TECRL: variants seen among roughly 807,000 people sequenced by gnomAD.
The protein encoded by TECRL is trans-2,3-enoyl-CoA reductase like, also known as trans-2,3-enoyl-CoA reductase-like.
Under a neutral mutation model 52.8 loss-of-function variants are expected in TECRL, and 63 were observed. The ratio of observed to expected loss-of-function variants is 1.19; its 90% CI spans 0.97 to 1.47. The LOEUF (loss-of-function observed/expected upper bound fraction) is 1.47. TECRL is among the 40% of genes most tolerant of loss of function. TECRL has a pLI of 0.00. For synonymous variants in TECRL, 164 were observed against 141.9 expected (o/e 1.16, Z -1.10); for missense variants, 482 against 429.6 (o/e 1.12, Z -1.08).
At chr4:64,280,581 C>T (rs752382332) in intron 11 of TECRL, among the ~76,000 whole-genome samples, 13 of 152,120 alleles carry the variant, frequency 8.5e-5, no homozygotes, top group Non-Finnish European at 1.2e-4. Flanking sequence ...TACAATATAA[C>T]AAAATGGATA....
intron 2 of TECRL, among the ~76,000 whole-genome samples, chr4:64,345,907 C>CAAAAAAA (rs777171822): frequency 0.018 from 419 of 23,334 alleles, 161 homozygotes; most frequent in African/African-American, 0.075. Context: ...GCCTCAACAG[C>CAAAAAAA]AAAAAAAAAA....
chr4:64,291,683 A>T (rs1167274079), intron 8 of TECRL, among the ~76,000 whole-genome samples: 1 of 151,984 alleles, frequency 6.6e-6, no homozygotes, highest in Non-Finnish European at 1.5e-5. Context: ...TTGTTTAACC[A>T]AATAATGAGC....
At chr4:64,355,790 G>A (rs1720727489) in intron 2 of TECRL, among the ~76,000 whole-genome samples, 1 of 27,834 alleles carries the variant, frequency 3.6e-5, no homozygotes, top group African/African-American at 7.2e-5. Flanking sequence ...GTGAGACTCT[G>A]TCTCAAAAAA....
chr4:64,288,340 G>C (rs1293230711), intron 9 of TECRL, among the ~76,000 whole-genome samples: 1 of 152,052 alleles, frequency 6.6e-6, no homozygotes, highest in African/African-American at 2.4e-5. Context: ...TTGACAAATT[G>C]AGATGAATCA....
chr4:64,351,347 G>A (rs915221694), intron 2 of TECRL, among the ~76,000 whole-genome samples: 8 of 151,758 alleles, frequency 5.3e-5, no homozygotes, highest in Non-Finnish European at 1.0e-4. Context: ...GCAGTGGCAT[G>A]AGGATGGCTC....
At chr4:64,334,741 A>G (rs544763741) in intron 2 of TECRL, among the ~76,000 whole-genome samples, 1 of 152,368 alleles carries the variant, frequency 6.6e-6, no homozygotes, top group East Asian at 1.9e-4. Flanking sequence ...AATAAAAAAT[A>G]GGATGAAGGA....
intron 4 of TECRL, among the ~76,000 whole-genome samples, chr4:64,317,289 G>T (rs767992599): frequency 4.6e-5 from 7 of 150,862 alleles, no homozygotes; most frequent in Non-Finnish European, 7.4e-5. Flanking sequence ...CAAAAAAAAA[G>T]AAAAAAAGAA....
At chr4:64,328,084 T>G (rs765663901) in intron 3 of TECRL, among the ~76,000 whole-genome samples, 2 of 151,994 alleles carry the variant, frequency 1.3e-5, no homozygotes, top group African/African-American at 2.4e-5. Flanking sequence ...TGAGGTTTAA[T>G]AGTGGGCATA....
rs1247876272 is a variant in TECRL at position 64,368,125 on chromosome 4, T to G, written c.286+7047A>C. Among the ~76,000 whole-genome samples the G allele has an allele frequency of 3.3e-5, 5 of 152,266 alleles. No individual in the cohort carries two copies. The East Asian group carries it at 7.7e-4, about 24-fold the overall frequency. On this transcript the variant is annotated intron_variant, in intron 2 of 11. Coordinates refer to ENST00000381210, the MANE Select transcript of TECRL (RefSeq NM_001010874.5). ...TAAAGTTCCTAGAAGGTTCTTAGAA[T>G]GTCCACTTGTGTATATAGCTTTCAT...
intron 4 of TECRL, among the ~76,000 whole-genome samples, chr4:64,321,726 C>T (rs1009198629): frequency 3.3e-5 from 5 of 152,060 alleles, no homozygotes; most frequent in Non-Finnish European, 7.4e-5. Context: ...TTTTCAATGT[C>T]GTCCTCATTC....
intron 1 of TECRL, among the ~76,000 whole-genome samples, chr4:64,402,789 G>A (rs191313954): frequency 9.9e-5 from 15 of 152,082 alleles, no homozygotes; most frequent in Admixed American, 1.3e-4. Context: ...AAAATGAAGG[G>A]TAAGTCTGTA....
In TECRL at chr4:64,328,153, C is replaced by T. The variant is rs1718387377; in HGVS notation, c.331+359G>A. On this transcript the variant is annotated intron_variant, in intron 3 of 11. Transcript: ENST00000381210. Reference sequence around the variant, plus strand: ...TTATGTCACTTATTCTGCTTTATAACAGCAAAAAGAAAAAGAAAAAATTGA... The same window carrying T: ...TTATGTCACTTATTCTGCTTTATAATAGCAAAAAGAAAAAGAAAAAATTGA... Among the ~76,000 whole-genome samples, 3 of 151,792 alleles carry T rather than the reference C, an allele frequency of 2.0e-5. No individual in the cohort carries two copies. In the South Asian group the frequency reaches 6.2e-4, roughly 31 times the overall value.
intron 2 of TECRL, among the ~76,000 whole-genome samples, chr4:64,346,319 C>T (rs1719980184): frequency 6.6e-6 from 1 of 152,216 alleles, no homozygotes; most frequent in African/African-American, 2.4e-5. Flanking sequence ...CCAGTGAGTA[C>T]TTTGTGTGGT....
At chr4:64,373,576 T>G (rs1309314221) in intron 2 of TECRL, among the ~76,000 whole-genome samples, 3 of 151,756 alleles carry the variant, frequency 2.0e-5, no homozygotes, top group African/African-American at 4.8e-5. Flanking sequence ...AATACTTTTT[T>G]GTCAGGGTGA....
Position 64,328,554 on chromosome 4 carries a change from G to A in TECRL, c.289C>T (p.Pro97Ser), listed in dbSNP as rs757262911. Residue 97 changes from proline to serine, a missense_variant and splice_region_variant, in exon 3 of 12, where the codon CCA (proline) becomes TCA (serine). Physicochemically the swap from Pro to Ser is moderately conservative, Grantham distance 74 (BLOSUM62 -1). Coordinates refer to ENST00000381210, the MANE Select transcript of TECRL (RefSeq NM_001010874.5). ...CCAACTCGAGAAGGGTACCACTTTG[G>A]ACCTATTCAATGAAAAATAACATTT... ...DVKQKFHKAC[P>S]KWYPSRVGLQ... 1 of 1,609,750 alleles carries A rather than the reference G, an allele frequency of 6.2e-7. No homozygotes were observed. The highest frequency in any genetic ancestry group is 1.1e-5 in the South Asian group (1 of 90,622).
chr4:64,355,715 A>G (rs1431775798), intron 2 of TECRL, among the ~76,000 whole-genome samples: 5 of 147,668 alleles, frequency 3.4e-5, no homozygotes, highest in Non-Finnish European at 7.4e-5. Flanking sequence ...GAATGGCGTG[A>G]AGCTGGGAGG....
At chr4:64,398,881 G>A (rs1486565930) in intron 1 of TECRL, among the ~76,000 whole-genome samples, 3 of 152,134 alleles carry the variant, frequency 2.0e-5, no homozygotes, top group Non-Finnish European at 4.4e-5. Flanking sequence ...GGCTGAAGAT[G>A]TCTCAGAAGA....
intron 1 of TECRL, among the ~76,000 whole-genome samples, chr4:64,402,511 C>T (rs952904423): frequency 6.6e-6 from 1 of 151,984 alleles, no homozygotes; most frequent in African/African-American, 2.4e-5. Context: ...ATGAGGAGTA[C>T]ATCTGCTTAT....
chr4:64,380,349 T>C (rs1453233508), intron 1 of TECRL, among the ~76,000 whole-genome samples: 1 of 152,120 alleles, frequency 6.6e-6, no homozygotes, highest in African/African-American at 2.4e-5. Flanking sequence ...AAATATTTTC[T>C]TCCACTCTTT....
Sources: allele counts gnomAD v4.1 joint callset (sites outside exome capture counted in the v4.1 genomes callset), GRCh38; gene constraint gnomAD v4.1.1; transcripts MANE v1.5; gene names NCBI Gene and HGNC (gene_info 2026-07-23, HGNC 2026-07-21).